The following CPLANE1 variants were observed in gnomAD, a reference collection of about 807,000 sequenced individuals.
The protein encoded by CPLANE1 is ciliogenesis and planar polarity effector complex subunit 1.
In CPLANE1, 263 loss-of-function variants were observed where a neutral mutation model predicts 362.5. The ratio of observed to expected loss-of-function variants is 0.73; its 90% CI spans 0.66 to 0.80. The LOEUF (loss-of-function observed/expected upper bound fraction) is 0.80. Ranked by LOEUF, CPLANE1 falls within the 30% of genes least tolerant of loss-of-function variation. The pLI, the probability that CPLANE1 is intolerant of heterozygous loss-of-function variation, is 0.00. For synonymous variants in CPLANE1, 1,212 were observed against 1,302.6 expected (o/e 0.93, Z 1.50); for missense variants, 3,461 against 3,793.4 (o/e 0.91, Z 2.30).
At chr5:37,211,598 A>G in intron 16 of CPLANE1, 1 of 898,900 alleles carries the variant, frequency 1.1e-6, no homozygotes, top group Non-Finnish European at 1.9e-6. Context: ...AAGCAAAAAG[A>G]AGCCTTGAAA....
chr5:37,215,489 A>C (rs187092356), intron 15 of CPLANE1, among the ~76,000 whole-genome samples: 45 of 152,256 alleles, frequency 3.0e-4, no homozygotes, highest in Middle Eastern at 3.4e-3. Flanking sequence ...ACAGTAGGCT[A>C]TTAATGGTTA....
Position 37,149,096 on chromosome 5 carries a change from G to T in CPLANE1, c.8374-828C>A, listed in dbSNP as rs200735055. Among the ~76,000 whole-genome samples, 3 of 152,182 alleles carry T rather than the reference G, an allele frequency of 2.0e-5. No individual in the cohort carries two copies. In the East Asian group the frequency reaches 5.8e-4, roughly 29 times the overall value. On this transcript the variant is annotated intron_variant, in intron 42 of 52. Coordinates refer to ENST00000651892, the MANE Select transcript of CPLANE1 (RefSeq NM_001384732.1). Reference sequence around the variant, plus strand: ...AGCAAATTGTGGTGTGTGTGTGTGTGTATACAAAATTAACATTATTTCCTT... The same window carrying T: ...AGCAAATTGTGGTGTGTGTGTGTGTTTATACAAAATTAACATTATTTCCTT...
chr5:37,106,403 T>A lies in CPLANE1; in HGVS notation c.*1199A>T, dbSNP rs1161642566. On this transcript the variant is annotated 3_prime_UTR_variant, in exon 53 of 53. Transcript: ENST00000651892. ...GAATATCCCAATTACCCTGATTTGA[T>A]TGCTACACATTGTATGCACATATCA... 5.2e-6 allele frequency: 1 copy of A among 192,794 alleles called. No homozygotes were observed. The highest frequency in any genetic ancestry group is 2.4e-5 in the African/African-American group (1 of 42,184). 11.9% of individuals were successfully genotyped at this position (192,794 alleles called of 1,614,324 possible).
chr5:37,080,550 T>G, the CPLANE1 span, among the ~76,000 whole-genome samples: 3 of 152,210 alleles, frequency 2.0e-5, no homozygotes, highest in Non-Finnish European at 2.9e-5. Flanking sequence ...TGACATTATC[T>G]TGCAAAAGCC....
chr5:37,177,795 GAGTAACAAC>G (rs1448848157), intron 29 of CPLANE1, 95 bp from the exon 30 acceptor site: 1 of 889,384 alleles, frequency 1.1e-6, no homozygotes, highest in African/African-American at 1.7e-5. Context: ...CACTTAACCA[GAGTAACAAC>G]AGTCTACAAG....
intron 46 of CPLANE1, 176 bp from the exon 47 acceptor site, chr5:37,125,585 G>A: frequency 1.7e-6 from 1 of 590,142 alleles, no homozygotes; most frequent in South Asian, 2.3e-5. Context: ...ACTGAAAATG[G>A]ACTCAGAAAG....
In CPLANE1 at chr5:37,209,213, A is replaced by T. The variant is rs1239590043; in HGVS notation, c.2921-2788T>A. Among the ~76,000 whole-genome samples the T allele has an allele frequency of 6.6e-6, 1 of 152,260 alleles. No homozygotes were observed. Among genetic ancestry groups the T allele is most frequent in the African/African-American group, 2.4e-5 (1 of 41,474 alleles). On this transcript the variant is annotated intron_variant, in intron 16 of 52. Coordinates refer to ENST00000651892, the MANE Select transcript of CPLANE1 (RefSeq NM_001384732.1). This position sits in a 1 kb window ranked among gnomAD's most constrained non-coding sequence, Gnocchi z 4.6. ...TGGGAGTGCAAGGCAGAGAGCGTTCAGCACCCTTGTTCCTCCCGACCCCTC... is the reference window on the plus strand; with the variant it reads ...TGGGAGTGCAAGGCAGAGAGCGTTCTGCACCCTTGTTCCTCCCGACCCCTC...
chr5:37,227,468 A>G lies in CPLANE1; in HGVS notation c.1372-76T>C, dbSNP rs887314079. 78 of 1,479,730 alleles carry G rather than the reference A, an allele frequency of 5.3e-5. 1 individual carries two copies. The highest frequency in any genetic ancestry group is 6.6e-5 in the Non-Finnish European group (73 of 1,113,344). The allele number at this position is 1,479,730 out of a possible 1,614,324, so 91.7% of individuals were successfully genotyped here. A position where few individuals can be genotyped will look rare whatever the true frequency, so the allele number is the denominator to read the frequency against. ...TCTATTATAAGCAATTAAAAATTCTATAGACAACTGTATACAATTCAAGGA... is the reference window on the plus strand; with the variant it reads ...TCTATTATAAGCAATTAAAAATTCTGTAGACAACTGTATACAATTCAAGGA... On this transcript the variant is annotated intron_variant, in intron 10 of 52. Coordinates refer to ENST00000651892, the MANE Select transcript of CPLANE1 (RefSeq NM_001384732.1).
chr5:37,180,477 T>A (rs1782390039), intron 27 of CPLANE1, among the ~76,000 whole-genome samples: 1 of 152,212 alleles, frequency 6.6e-6, no homozygotes, highest in Admixed American at 6.5e-5. Context: ...TAATTTCAAC[T>A]AAAATTATCA....
At chr5:37,243,828 T>C (rs946394532) in intron 5 of CPLANE1, among the ~76,000 whole-genome samples, 18 of 146,452 alleles carry the variant, frequency 1.2e-4, no homozygotes, top group South Asian at 1.0e-3. Flanking sequence ...ATATATATTA[T>C]ATACGTGTAT....
intron 15 of CPLANE1, among the ~76,000 whole-genome samples, chr5:37,216,964 A>G (rs1794218891): frequency 6.6e-6 from 1 of 152,178 alleles, no homozygotes; most frequent in South Asian, 2.1e-4. Flanking sequence ...ATTGTTAATA[A>G]AGAAAATAAT....
chr5:37,227,151 TTTCTC>T, intron 11 of CPLANE1, 78 bp from the exon 12 acceptor site: 1 of 1,505,754 alleles, frequency 6.6e-7, no homozygotes, highest in Non-Finnish European at 8.9e-7. Flanking sequence ...CGTTCTTAAA[TTTCTC>T]TTCCCTTTAA....
intron 37 of CPLANE1, among the ~76,000 whole-genome samples, chr5:37,162,965 C>G (rs1414963763): frequency 2.6e-5 from 4 of 152,240 alleles, no homozygotes; most frequent in African/African-American, 9.6e-5. Context: ...CAGGCGTGGG[C>G]CACCGTGTCC....
At chr5:37,180,315 G>T in intron 27 of CPLANE1, 132 bp from the exon 28 acceptor site, 1 of 405,860 alleles carries the variant, frequency 2.5e-6, no homozygotes, top group South Asian at 7.5e-5. Context: ...GCGCAATCTC[G>T]GCTTAATTCA....
chr5:37,187,681 A>G lies in CPLANE1; in HGVS notation c.3921+52T>C. 3 of 1,561,454 alleles carry G rather than the reference A, an allele frequency of 1.9e-6. No homozygotes were observed. The South Asian group carries it at 3.5e-5, about 18-fold the overall frequency. On this transcript the variant is annotated intron_variant, in intron 22 of 52. Transcript: ENST00000651892. ...ACAATAAAATCTTCTTTTAAACAAT[A>G]ATTTCCCACTTAACGTGTGTTCATT...
In CPLANE1 at chr5:37,183,058, G is replaced by A; in HGVS notation, c.5123C>T (p.Thr1708Ile). 1 of 1,613,388 alleles carries A rather than the reference G, an allele frequency of 6.2e-7. No individual in the cohort carries two copies. The highest frequency in any genetic ancestry group is 8.5e-7 in the Non-Finnish European group (1 of 1,179,904). The part of the protein sequence containing the change: ...IQRSSNHIFW[T>I]PKSIKTRRCI... ...TCTTCTAGTTTTAATGGACTTGGGAGTCCAAAAAATGTGGTTTGATGATCT... is the reference window on the plus strand; with the variant it reads ...TCTTCTAGTTTTAATGGACTTGGGAATCCAAAAAATGTGGTTTGATGATCT... The change falls in exon 26 of 53, where the codon ACT (threonine) becomes ATT (isoleucine). Residue 1708 changes from threonine to isoleucine, a missense_variant. This residue lies in a region of CPLANE1 where 3,380 missense variants were observed against 3,666.1 expected (regional missense o/e 0.92). Transcript: ENST00000651892.
At position 37,142,463 on chromosome 5, in the gene CPLANE1, T is replaced by A; in HGVS notation, c.8479A>T (p.Met2827Leu). ...ISEEVRFLTH[M>L]DEEDQSDKKE... is the part of the protein sequence containing the mutation. ...TTGTCACTTTGATCTTCTTCATCCA[T>A]ATGGGTCAAAAAACGCACTAATCCA... Residue 2827 changes from methionine to leucine, a missense_variant, in exon 44 of 53, where the codon ATG becomes TTG. Met to Leu is a conservative substitution (Grantham distance 15). Around this residue, in one of 2 missense-constraint regions of CPLANE1, gnomAD observed 3,380 missense variants for 3,666.1 expected, o/e 0.92. Transcript: ENST00000651892. 6.3e-7 allele frequency: 1 copy of A among 1,594,532 alleles called. No homozygotes were observed. Among genetic ancestry groups the A allele is most frequent in the Admixed American group, 1.8e-5 (1 of 55,972 alleles).
intron 16 of CPLANE1, among the ~76,000 whole-genome samples, chr5:37,208,675 TC>T (rs34843144): frequency 0.04 from 2,474 of 62,272 alleles, 73 homozygotes; most frequent in Admixed American, 0.14. Flanking sequence ...AGACTCTGTC[TC>T]CCCCCCCCCC....
the CPLANE1 span, among the ~76,000 whole-genome samples, chr5:37,100,215 T>C: frequency 6.6e-6 from 1 of 152,316 alleles, no homozygotes; most frequent in African/African-American, 2.4e-5. Flanking sequence ...CTGCCTAGAT[T>C]TTCTTCTAGG....
Sources: allele counts gnomAD v4.1 joint callset (sites outside exome capture counted in the v4.1 genomes callset), GRCh38; gene constraint gnomAD v4.1.1; regional missense constraint gnomAD v4.1.1; non-coding constraint Gnocchi (gnomAD v3.1); transcripts MANE v1.5; gene names NCBI Gene and HGNC (gene_info 2026-07-23, HGNC 2026-07-21).